Variants in OTC observed in about 807,000 individuals in gnomAD.
OTC encodes the protein ornithine transcarbamylase.
In OTC, 3 loss-of-function variants were observed where a neutral mutation model predicts 30.3. The observed-to-expected ratio is 0.10, with a 90% CI of 0.05 to 0.26. OTC has a LOEUF of 0.26. Among genes scored for constraint, OTC ranks in the 10% least tolerant of loss-of-function variants. The probability of loss-of-function intolerance (pLI) is 1.00; values close to 1 mark genes in which losing one functional copy is unlikely to be tolerated. For missense variants in OTC, 194 were observed against 260.3 expected (o/e 0.75, Z 1.75); for synonymous variants, 111 against 99.7 (o/e 1.11, Z -0.67).
rs1402364622 is a variant in OTC at position 38,401,434 on chromosome X, T to C, written c.540+6T>C. ...CTGATTACCTCACGCTCCAGGTTGGTTTATTTATTTGTCTTACAAAAGAGC... is the reference window on the plus strand; with the variant it reads ...CTGATTACCTCACGCTCCAGGTTGGCTTATTTATTTGTCTTACAAAAGAGC... On this transcript the variant is annotated splice_donor_region_variant and intron_variant, in intron 5 of 9. Transcript: ENST00000039007. 8.4e-6 allele frequency: 10 copies of C among 1,193,725 alleles called. No individual in the cohort carries two copies. The highest frequency in any genetic ancestry group is 1.1e-5 in the Non-Finnish European group (10 of 880,287).
chrX:38,388,940 A>T (rs2068418285), intron 4 of OTC, among the ~76,000 whole-genome samples: 1 of 111,920 alleles, frequency 8.9e-6, no homozygotes, highest in South Asian at 3.7e-4. Context: ...ACAGAAATTT[A>T]TTTTCCCACA....
At chrX:38,397,934 T>A (rs1311405458) in intron 4 of OTC, among the ~76,000 whole-genome samples, 1 of 111,984 alleles carries the variant, frequency 8.9e-6, no homozygotes, top group Non-Finnish European at 1.9e-5. Context: ...TAGGTGATAC[T>A]AATGTGCAGC....
intron 3 of OTC, among the ~76,000 whole-genome samples, chrX:38,371,149 C>A (rs993477236): frequency 3.6e-5 from 4 of 111,807 alleles, no homozygotes; most frequent in Non-Finnish European, 5.6e-5. Flanking sequence ...TGCTTCTCCT[C>A]TCTTGCTTCT....
At chrX:38,364,149 A>G (rs771046382) in intron 1 of OTC, among the ~76,000 whole-genome samples, 7 of 111,796 alleles carry the variant, frequency 6.3e-5, no homozygotes, top group Non-Finnish European at 1.3e-4. Context: ...ATAAATAAAT[A>G]TAATAAAATA....
intron 6 of OTC, among the ~76,000 whole-genome samples, chrX:38,406,450 A>G (rs367948754): frequency 1.8e-5 from 2 of 111,926 alleles, no homozygotes; most frequent in South Asian, 7.4e-4. Context: ...GTCTGGTTTT[A>G]AAATTTATGT....
At chrX:38,351,668 TA>T (rs762539298), upstream of OTC, among the ~76,000 whole-genome samples, 1 of 112,467 alleles carries the variant, frequency 8.9e-6, no homozygotes, top group South Asian at 3.7e-4. Flanking sequence ...AATAGGCTGC[TA>T]GGGGAAGAGC....
intron 2 of OTC, among the ~76,000 whole-genome samples, chrX:38,368,765 G>C (rs984157477): frequency 1.0e-5 from 1 of 99,234 alleles, no homozygotes; most frequent in African/African-American, 3.7e-5. Flanking sequence ...GGACAGGAGT[G>C]ACCGCAACTG....
chrX:38,390,203 C>T (rs1355488057), intron 4 of OTC, among the ~76,000 whole-genome samples: 1 of 112,126 alleles, frequency 8.9e-6, no homozygotes, highest in Non-Finnish European at 1.9e-5. Context: ...TCTTCCAACA[C>T]CAGCCCATTT....
At chrX:38,352,526 C>T (rs1328284601), upstream of OTC, 2 of 463,313 alleles carry the variant, frequency 4.3e-6, no homozygotes, top group Admixed American at 3.0e-5. Context: ...CTACACCCTG[C>T]CCTGCAGTAT....
chrX:38,361,299 C>G (rs983067389), intron 1 of OTC, among the ~76,000 whole-genome samples: 1 of 84,578 alleles, frequency 1.2e-5, no homozygotes, highest in African/African-American at 4.0e-5. Flanking sequence ...AGCGAGACTC[C>G]GTTAAAAAAA....
intron 6 of OTC, among the ~76,000 whole-genome samples, chrX:38,408,483 G>A (rs1569280634): frequency 9.0e-6 from 1 of 111,711 alleles, no homozygotes; most frequent in Non-Finnish European, 1.9e-5. Flanking sequence ...GAGTTAGAAA[G>A]CACCATGCCT....
At chrX:38,332,174 C>T in the OTC span, among the ~76,000 whole-genome samples, 11 of 109,273 alleles carry the variant, frequency 1.0e-4, no homozygotes, top group African/African-American at 3.7e-4. Flanking sequence ...TTTCCCATCA[C>T]CCCCAGATGG....
upstream of OTC, among the ~76,000 whole-genome samples, chrX:38,350,787 A>G (rs1261235541): frequency 9.0e-6 from 1 of 111,014 alleles, no homozygotes; most frequent in Non-Finnish European, 1.9e-5. Context: ...ACTCTCTAGC[A>G]TGGAACTGCA....
At chrX:38,352,570 G>A, upstream of OTC, 2 of 535,699 alleles carry the variant, frequency 3.7e-6, no homozygotes, top group Non-Finnish European at 6.6e-6. Context: ...GGAAGCTGAA[G>A]GGTGATATTA....
At chrX:38,364,656 G>A (rs756808231) in intron 1 of OTC, among the ~76,000 whole-genome samples, 15 of 110,140 alleles carry the variant, frequency 1.4e-4, no homozygotes, top group Non-Finnish European at 2.3e-4. Flanking sequence ...GCCAGGTGTG[G>A]TGGCAGGTGC....
At position 38,421,188 on chromosome X, in the gene OTC, G is replaced by A. The variant is rs766318571; in HGVS notation, c.*106G>A. On this transcript the variant is annotated 3_prime_UTR_variant, in exon 10 of 10. Coordinates refer to ENST00000039007, the MANE Select transcript of OTC (RefSeq NM_000531.6). ...TAAAAAATAAACAAATCCCTAACACGTGGTATGGGTGAACCGTATGATATG... is the reference window on the plus strand; with the variant it reads ...TAAAAAATAAACAAATCCCTAACACATGGTATGGGTGAACCGTATGATATG... The A allele has an allele frequency of 2.0e-4, 110 of 561,930 alleles. No individual in the cohort carries two copies. In the East Asian group the frequency reaches 3.1e-3, roughly 16 times the overall value. 46.3% of individuals were successfully genotyped at this position (561,930 alleles called of 1,213,427 possible).
intron 4 of OTC, chrX:38,395,629 G>A (rs374305336): frequency 6.6e-6 from 1 of 150,856 alleles, no homozygotes; most frequent in South Asian, 1.9e-4. Flanking sequence ...ATCCATAGGA[G>A]GAAGGGAAGA....
intron 3 of OTC, among the ~76,000 whole-genome samples, chrX:38,371,446 G>A (rs2068322605): frequency 1.8e-5 from 2 of 111,865 alleles, no homozygotes; most frequent in African/African-American, 6.5e-5. Flanking sequence ...CAAGGAGGAA[G>A]TACCGCAAAC....
At chrX:38,416,707 A>T (rs2068572433) in intron 9 of OTC, among the ~76,000 whole-genome samples, 1 of 112,465 alleles carries the variant, frequency 8.9e-6, no homozygotes, top group South Asian at 3.6e-4. Context: ...TATTTAGAAC[A>T]TACAGTAAAA....
Sources: gnomAD v4.1 joint callset for allele counts (sites outside exome capture counted in the v4.1 genomes callset) on GRCh38, gnomAD v4.1.1 for gene constraint, MANE v1.5 for transcripts, NCBI Gene and HGNC (gene_info 2026-07-23, HGNC 2026-07-21) for gene names.